Variants in FABP12 observed in about 807,000 individuals in gnomAD.
FABP12 encodes fatty acid-binding protein 12.
In FABP12, 19 loss-of-function variants were observed where a neutral mutation model predicts 13.7. The ratio of observed to expected loss-of-function variants is 1.39; its 90% CI spans 0.97 to 2.04. The LOEUF (loss-of-function observed/expected upper bound fraction) is 2.04. Among genes scored for constraint, FABP12 ranks in the 30% most tolerant of loss-of-function variants. The pLI is 0.00. For missense variants in FABP12, 182 were observed against 164.2 expected (o/e 1.11, Z -0.59); for synonymous variants, 61 against 57.0 (o/e 1.07, Z -0.32).
chr8:81,587,862 T>C (rs951047477), intron 1 of FABP12, among the ~76,000 whole-genome samples: 13 of 152,058 alleles, frequency 8.5e-5, no homozygotes, highest in Non-Finnish European at 1.9e-4. Context: ...ATCTATAAGC[T>C]GAGGAGCAAG....
intron 1 of FABP12, among the ~76,000 whole-genome samples, chr8:81,565,072 A>C (rs1306395036): frequency 2.0e-5 from 3 of 152,124 alleles, no homozygotes; most frequent in African/African-American, 7.2e-5. Context: ...AAGAAAAAAA[A>C]CTATAACAAG....
chr8:81,532,237 T>C (rs565164886), intron 1 of FABP12, among the ~76,000 whole-genome samples: 2 of 152,308 alleles, frequency 1.3e-5, no homozygotes, highest in East Asian at 3.9e-4. Context: ...ATACATTCCA[T>C]CAGCCCCTGA....
intron 1 of FABP12, among the ~76,000 whole-genome samples, chr8:81,561,825 C>T (rs981046042): frequency 6.6e-6 from 1 of 152,144 alleles, no homozygotes; most frequent in African/African-American, 2.4e-5. Context: ...CACTGAGGGG[C>T]AAAGTGCTCT....
At chr8:81,576,548 T>C (rs1287152520) in intron 1 of FABP12, among the ~76,000 whole-genome samples, 1 of 152,030 alleles carries the variant, frequency 6.6e-6, no homozygotes, top group Non-Finnish European at 1.5e-5. Flanking sequence ...ATACTATATA[T>C]ACTGTTCTGC....
intron 1 of FABP12, among the ~76,000 whole-genome samples, chr8:81,556,085 T>C (rs1809610152): frequency 6.6e-6 from 1 of 152,184 alleles, no homozygotes; most frequent in Admixed American, 6.5e-5. Context: ...TAAATCATTT[T>C]CCAAAATTTT....
At chr8:81,560,178 G>T (rs16909346) in intron 1 of FABP12, among the ~76,000 whole-genome samples, 2,776 of 152,276 alleles carry the variant, frequency 0.018, 84 homozygotes, top group African/African-American at 0.063. Flanking sequence ...TTACAATAAA[G>T]AATGTCAACT....
chr8:81,535,807 T>A (rs1280086637), upstream of FABP12, among the ~76,000 whole-genome samples: 4 of 152,178 alleles, frequency 2.6e-5, no homozygotes, highest in African/African-American at 9.7e-5. Flanking sequence ...GACAAAGGAT[T>A]CTGGGTCTGA....
At chr8:81,584,033 A>C (rs1234119389) in intron 1 of FABP12, among the ~76,000 whole-genome samples, 1 of 152,236 alleles carries the variant, frequency 6.6e-6, no homozygotes, top group Non-Finnish European at 1.5e-5. Context: ...AAGATTGTTC[A>C]ACTACACAAA....
At chr8:81,578,606 C>T (rs1810094352) in intron 1 of FABP12, among the ~76,000 whole-genome samples, 1 of 151,456 alleles carries the variant, frequency 6.6e-6, no homozygotes, top group African/African-American at 2.4e-5. Context: ...CTGCCTCAGC[C>T]TCCAGAGTAG....
At chr8:81,528,603 T>C (rs1248332180) in intron 3 of FABP12, among the ~76,000 whole-genome samples, 2 of 152,208 alleles carry the variant, frequency 1.3e-5, no homozygotes, top group African/African-American at 4.8e-5. Context: ...AAATATTTAT[T>C]GAACAACTGT....
At chr8:81,576,689 A>C (rs532879193) in intron 1 of FABP12, among the ~76,000 whole-genome samples, 1 of 152,228 alleles carries the variant, frequency 6.6e-6, no homozygotes, top group Non-Finnish European at 1.5e-5. Flanking sequence ...TGCTGTTAGT[A>C]TAGCCTAGGG....
intron 1 of FABP12, among the ~76,000 whole-genome samples, chr8:81,565,906 A>C (rs1277354250): frequency 6.6e-6 from 1 of 152,052 alleles, no homozygotes; most frequent in Non-Finnish European, 1.5e-5. Flanking sequence ...AAATATTAAT[A>C]AAATCAACAA....
intron 1 of FABP12, among the ~76,000 whole-genome samples, chr8:81,578,724 T>A (rs1315478337): frequency 6.8e-5 from 10 of 146,888 alleles, no homozygotes; most frequent in Admixed American, 6.7e-4. Flanking sequence ...GACCTTGTGA[T>A]CCGTCCACCT....
chr8:81,568,485 C>T (rs1421651163), intron 1 of FABP12, among the ~76,000 whole-genome samples: 1 of 152,114 alleles, frequency 6.6e-6, no homozygotes, highest in Non-Finnish European at 1.5e-5. Flanking sequence ...ATAACAAATG[C>T]TGGTTAGGAT....
At chr8:81,589,268 A>T (rs1251413452) in intron 1 of FABP12, among the ~76,000 whole-genome samples, 1 of 152,214 alleles carries the variant, frequency 6.6e-6, no homozygotes, top group East Asian at 1.9e-4. Context: ...CCTTTAAAAC[A>T]AAACAAGCCC....
At chr8:81,536,039 GC>G (rs1381915765), upstream of FABP12, among the ~76,000 whole-genome samples, 33 of 152,110 alleles carry the variant, frequency 2.2e-4, no homozygotes, top group African/African-American at 8.0e-4. Flanking sequence ...CTTCAGCCTT[GC>G]CCTATTTTAT....
intron 1 of FABP12, among the ~76,000 whole-genome samples, chr8:81,541,638 G>C (rs929875320): frequency 2.0e-5 from 3 of 151,950 alleles, no homozygotes; most frequent in African/African-American, 7.3e-5. Context: ...CCCTTACTCT[G>C]TGCCTGTGGA....
At chr8:81,571,014 A>AG (rs1809921577) in intron 1 of FABP12, among the ~76,000 whole-genome samples, 1 of 151,938 alleles carries the variant, frequency 6.6e-6, no homozygotes, top group Admixed American at 6.6e-5. Flanking sequence ...GAGCTCCAAG[A>AG]GGCACCTGCA....
intron 1 of FABP12, among the ~76,000 whole-genome samples, chr8:81,545,015 A>T (rs925848628): frequency 5.3e-5 from 8 of 152,146 alleles, no homozygotes; most frequent in Admixed American, 2.0e-4. Flanking sequence ...GGAGACTGAG[A>T]GGTTGGGTAA....
Sources: gnomAD v4.1 joint callset for allele counts (sites outside exome capture counted in the v4.1 genomes callset) on GRCh38, gnomAD v4.1.1 for gene constraint, MANE v1.5 for transcripts, NCBI Gene and HGNC (gene_info 2026-07-23, HGNC 2026-07-21) for gene names.